The following SLC9A9 variants were observed in gnomAD, a reference collection of about 807,000 sequenced individuals.
SLC9A9 encodes sodium/hydrogen exchanger 9.
A neutral mutation model predicts 77.8 loss-of-function variants in SLC9A9; 62 were observed. The ratio of observed to expected loss-of-function variants is 0.80; its 90% CI spans 0.65 to 0.98. The LOEUF is 0.98. Among genes scored for constraint, SLC9A9 ranks in the 50% least tolerant of loss-of-function variants. SLC9A9 has a pLI of 0.00. For missense variants in SLC9A9, 775 were observed against 774.9 expected, an observed-to-expected ratio of 1.00 and a Z score of 0.00; for synonymous variants, 320 against 283.5, an observed-to-expected ratio of 1.13 and a Z score of -1.29.
At chr3:143,418,230 G>C (rs921671724) in intron 12 of SLC9A9, among the ~76,000 whole-genome samples, 1 of 151,584 alleles carries the variant, frequency 6.6e-6, no homozygotes, top group Non-Finnish European at 1.5e-5. Flanking sequence ...GAGGAAATAA[G>C]GAATCATAAC....
intron 9 of SLC9A9, among the ~76,000 whole-genome samples, chr3:143,500,030 G>C (rs1372871956): frequency 6.6e-6 from 1 of 151,896 alleles, no homozygotes; most frequent in African/African-American, 2.4e-5. Context: ...GTTTTACCAG[G>C]TTGTATTGTT....
chr3:143,345,971 A>G (rs1372144703), intron 14 of SLC9A9, among the ~76,000 whole-genome samples: 1 of 152,172 alleles, frequency 6.6e-6, no homozygotes, highest in Non-Finnish European at 1.5e-5. Flanking sequence ...CAGCTTGTCT[A>G]TAGAAGGAGG....
At chr3:143,725,258 A>T (rs887676173) in intron 4 of SLC9A9, among the ~76,000 whole-genome samples, 2 of 152,180 alleles carry the variant, frequency 1.3e-5, no homozygotes, top group Admixed American at 6.5e-5. Flanking sequence ...AAGGATGTGG[A>T]GAAATAGGAA....
At chr3:143,326,733 AT>A (rs146677225) in intron 14 of SLC9A9, among the ~76,000 whole-genome samples, 320 of 152,284 alleles carry the variant, frequency 2.1e-3, no homozygotes, top group African/African-American at 7.1e-3. Flanking sequence ...TACTTGCTTA[AT>A]TTGAGTTTTG....
Position 143,831,804 on chromosome 3 carries a change from C to T in SLC9A9, c.378+215G>A, listed in dbSNP as rs181244794. The stretch of plus-strand genomic sequence containing the variant: ...AAACAAAAAAGAAAACCTTTCTTTC[C>T]TAACTTCTAGGAAAAAAAAATACAG... On this transcript the variant is annotated intron_variant, in intron 2 of 15. Transcript: ENST00000316549. Among the ~76,000 whole-genome samples, 11 of 152,020 alleles carry T rather than the reference C, an allele frequency of 7.2e-5. No homozygotes were observed. The East Asian group carries it at 2.1e-3, about 29-fold the overall frequency.
intron 5 of SLC9A9, among the ~76,000 whole-genome samples, chr3:143,680,649 C>T (rs1244484296): frequency 5.3e-5 from 8 of 152,208 alleles, no homozygotes; most frequent in African/African-American, 1.9e-4. Flanking sequence ...ATCTTATACT[C>T]GGGCACCTCA....
rs934448998 is a variant in SLC9A9 at position 143,468,665 on chromosome 3, A to G, written c.1316-1475T>C. Among the ~76,000 whole-genome samples the G allele has an allele frequency of 3.3e-5, 5 of 152,274 alleles. No individual in the cohort carries two copies. In the East Asian group the frequency reaches 9.6e-4, roughly 29 times the overall value. ...TTAAAAATCAAATGTGTCAGACAAC[A>G]AAGAAAACTAAGCTTATGGACCACT... On this transcript the variant is annotated intron_variant, in intron 11 of 15. Coordinates refer to ENST00000316549, the MANE Select transcript of SLC9A9 (RefSeq NM_173653.4).
intron 9 of SLC9A9, among the ~76,000 whole-genome samples, chr3:143,516,659 C>T (rs1468396995): frequency 6.6e-6 from 1 of 152,086 alleles, no homozygotes; most frequent in Non-Finnish European, 1.5e-5. Context: ...TTTGATTACC[C>T]TTCTTTGCTT....
intron 1 of SLC9A9, among the ~76,000 whole-genome samples, chr3:143,839,655 C>G (rs1178914581): frequency 6.6e-6 from 1 of 152,134 alleles, no homozygotes. Context: ...ACACACTTCA[C>G]AAAACTCTGG....
chr3:143,382,352 G>A (rs1291352597), intron 12 of SLC9A9, among the ~76,000 whole-genome samples: 4 of 152,176 alleles, frequency 2.6e-5, no homozygotes, highest in Non-Finnish European at 4.4e-5. Context: ...CACTACTGTC[G>A]TTCCTGGCAA....
chr3:143,755,575 G>C lies in SLC9A9; in HGVS notation c.533+39426C>G, dbSNP rs1050771308. On this transcript the variant is annotated intron_variant, in intron 4 of 15. Coordinates refer to ENST00000316549, the MANE Select transcript of SLC9A9 (RefSeq NM_173653.4). Reference sequence around the variant, plus strand: ...GCAAGAGGGAACAAGACATTCCATAGATATTTATTGTGAGGCTCCATTGTG... The same window carrying C: ...GCAAGAGGGAACAAGACATTCCATACATATTTATTGTGAGGCTCCATTGTG... 2.0e-5 allele frequency among the ~76,000 whole-genome samples: 3 copies of C among 152,138 alleles called. No homozygotes were observed. The East Asian group carries it at 5.8e-4, about 29-fold the overall frequency.
intron 5 of SLC9A9, among the ~76,000 whole-genome samples, chr3:143,690,213 T>C (rs1017929478): frequency 3.3e-5 from 5 of 151,980 alleles, no homozygotes; most frequent in Admixed American, 1.3e-4. Context: ...TTTAAGCAAG[T>C]AGGAAATTAT....
rs115131239 is a variant in SLC9A9, at chr3:143,715,336, T to C, written c.534-22029A>G. The stretch of plus-strand genomic sequence containing the variant: ...TAATAATGACTTCATCTCTTTTGAC[T>C]TCAGATGTTAATGGTATTTCACTCT... On this transcript the variant is annotated intron_variant, in intron 4 of 15. Transcript: ENST00000316549. Among the ~76,000 whole-genome samples, 1,267 of 152,286 alleles carry C rather than the reference T, an allele frequency of 8.3e-3. 18 individuals are homozygous for C. The highest frequency in any genetic ancestry group is 0.029 in the African/African-American group (1,220 of 41,554).
chr3:143,765,697 CT>C (rs1311218294), intron 4 of SLC9A9, among the ~76,000 whole-genome samples: 1 of 152,130 alleles, frequency 6.6e-6, no homozygotes, highest in Non-Finnish European at 1.5e-5. Context: ...TTCAATATTA[CT>C]TTCATTCATA....
At chr3:143,832,259 G>T (rs1410291317) in intron 1 of SLC9A9, 38 bp from the exon 2 acceptor site, 1 of 1,562,202 alleles carries the variant, frequency 6.4e-7, no homozygotes. Context: ...CTGGAGGAAG[G>T]CAATCTAAAA....
intron 4 of SLC9A9, among the ~76,000 whole-genome samples, chr3:143,786,408 T>C (rs1454418170): frequency 1.3e-5 from 2 of 152,188 alleles, no homozygotes; most frequent in African/African-American, 4.8e-5. Context: ...TCATTTTCTC[T>C]CCCCTGTGCT....
chr3:143,676,261 G>A (rs986203008), intron 5 of SLC9A9, among the ~76,000 whole-genome samples: 1 of 152,038 alleles, frequency 6.6e-6, no homozygotes, highest in Non-Finnish European at 1.5e-5. Context: ...TCTGTGGCCC[G>A]GGAGGCTGGG....
chr3:143,291,268 T>G (rs1350624950), intron 14 of SLC9A9, among the ~76,000 whole-genome samples: 2 of 152,212 alleles, frequency 1.3e-5, no homozygotes, highest in Non-Finnish European at 1.5e-5. Context: ...CCCAGCTGAT[T>G]TGGCTGTCAG....
intron 12 of SLC9A9, among the ~76,000 whole-genome samples, chr3:143,452,456 G>T (rs2035023328): frequency 6.9e-6 from 1 of 145,592 alleles, no homozygotes; most frequent in Non-Finnish European, 1.5e-5. Flanking sequence ...AACTGACCTG[G>T]TTTCTTCTGA....
Sources: gnomAD v4.1 joint callset for allele counts (sites outside exome capture counted in the v4.1 genomes callset) on GRCh38, gnomAD v4.1.1 for gene constraint, MANE v1.5 for transcripts, NCBI Gene and HGNC (gene_info 2026-07-23, HGNC 2026-07-21) for gene names.